Variants in LUC7L3 observed in about 807,000 individuals in gnomAD.
The protein encoded by LUC7L3 is LUC7 like 3 pre-mRNA splicing factor.
In LUC7L3, 6 loss-of-function variants were observed where a neutral mutation model predicts 66.8. The ratio of observed to expected loss-of-function variants is 0.09; its 90% CI spans 0.05 to 0.18. The LOEUF is 0.18. LUC7L3 is among the 10% of genes least tolerant of loss of function. The pLI is 1.00. For synonymous variants in LUC7L3, 160 were observed against 174.7 expected, an observed-to-expected ratio of 0.92 and a Z score of 0.66; for missense variants, 341 against 531.1, an observed-to-expected ratio of 0.64 and a Z score of 3.52.
chr17:50,751,023 GTTTT>G lies in LUC7L3; in HGVS notation c.*370_*373del, dbSNP rs11385262. 22 of 1,187,782 alleles carry G rather than the reference GTTTT, an allele frequency of 1.9e-5. No homozygotes were observed. Among genetic ancestry groups the G allele is most frequent in the Admixed American group, 1.4e-4 (4 of 28,680 alleles). 73.6% of individuals were successfully genotyped at this position (1,187,782 alleles called of 1,614,324 possible). The stretch of plus-strand genomic sequence containing the variant: ...TTTTTTTTAATAAAAAGGTTGAACT[GTTTT>G]TTTTTTTCTTTTTGGTATTAAGTCC... On this transcript the variant is annotated 3_prime_UTR_variant, in exon 10 of 10. Coordinates refer to ENST00000505658, the MANE Select transcript of LUC7L3 (RefSeq NM_016424.5).
chr17:50,726,943 G>A (rs1436938738), intron 1 of LUC7L3, among the ~76,000 whole-genome samples: 1 of 152,032 alleles, frequency 6.6e-6, no homozygotes, highest in Non-Finnish European at 1.5e-5. Context: ...ACAAAAATTA[G>A]CCAGGCGTTG....
At position 50,719,608 on chromosome 17, in the gene LUC7L3, G is replaced by C. The variant is rs1212620764; in HGVS notation, c.-125G>C. On this transcript the variant is annotated 5_prime_UTR_variant, in exon 1 of 10. Transcript: ENST00000505658. ...GTCCGCGCGGCGGCCATTTTGTCTT[G>C]TCGGCTCCTGTGTGTAGGAGGGATT... The C allele has an allele frequency of 1.4e-6, 1 of 725,628 alleles. No individual in the cohort carries two copies. Among genetic ancestry groups the C allele is most frequent in the African/African-American group, 1.8e-5 (1 of 54,226 alleles). The allele number at this position is 725,628 out of a possible 1,614,324, so 44.9% of individuals were successfully genotyped here.
In LUC7L3 at chr17:50,751,039, T is replaced by C. The variant is rs1328347502; in HGVS notation, c.*378T>C. On this transcript the variant is annotated 3_prime_UTR_variant, in exon 10 of 10. Transcript: ENST00000505658. The stretch of plus-strand genomic sequence containing the variant: ...GGTTGAACTGTTTTTTTTTTTCTTT[T>C]TGGTATTAAGTCCATCTTGTGTTGG... 4.9e-6 allele frequency: 7 copies of C among 1,441,690 alleles called. No homozygotes were observed. Among genetic ancestry groups the C allele is most frequent in the African/African-American group, 1.4e-5 (1 of 69,704 alleles). 89.3% of individuals were successfully genotyped at this position (1,441,690 alleles called of 1,614,324 possible). A position where few individuals can be genotyped will look rare whatever the true frequency, so the allele number is the denominator to read the frequency against.
At chr17:50,747,047 C>T (rs1285838377) in intron 9 of LUC7L3, among the ~76,000 whole-genome samples, 2 of 151,668 alleles carry the variant, frequency 1.3e-5, no homozygotes, top group African/African-American at 2.4e-5. Context: ...TTACACACTG[C>T]AGTGTTTCAT....
rs540578347 is a variant in LUC7L3 at position 50,725,081 on chromosome 17, G to A, written c.99+5250G>A. Reference sequence around the variant, plus strand: ...CCTTTCTCTTCATTTCTTATAGTAAGTTAGGAAAATTGTTGTATTCATTTA... The same window carrying A: ...CCTTTCTCTTCATTTCTTATAGTAAATTAGGAAAATTGTTGTATTCATTTA... On this transcript the variant is annotated intron_variant, in intron 1 of 9. Transcript: ENST00000505658. 6.6e-5 allele frequency among the ~76,000 whole-genome samples: 10 copies of A among 152,212 alleles called. No individual in the cohort carries two copies. In the South Asian group the frequency reaches 1.5e-3, roughly 22 times the overall value.
chr17:50,727,518 C>T (rs960989940), intron 1 of LUC7L3, among the ~76,000 whole-genome samples: 1 of 152,262 alleles, frequency 6.6e-6, no homozygotes, highest in African/African-American at 2.4e-5. Flanking sequence ...ATAGCAGTGC[C>T]CCAGCCCCCC....
Position 50,740,354 on chromosome 17 carries a change from T to C in LUC7L3, c.206+9T>C, listed in dbSNP as rs201078279. 4.2e-5 allele frequency: 68 copies of C among 1,606,472 alleles called. No individual in the cohort carries two copies. The East Asian group carries it at 1.4e-3, about 34-fold the overall frequency. ...GAAAATCTACGAAAACAGTAAGTTATTTTGCTTGTCATTTCCACCCCCCCA... is the reference window on the plus strand; with the variant it reads ...GAAAATCTACGAAAACAGTAAGTTACTTTGCTTGTCATTTCCACCCCCCCA... On this transcript the variant is annotated intron_variant, in intron 3 of 9. Coordinates refer to ENST00000505658, the MANE Select transcript of LUC7L3 (RefSeq NM_016424.5).
chr17:50,738,010 A>G (rs1970088960), intron 2 of LUC7L3: 2 of 359,682 alleles, frequency 5.6e-6, no homozygotes, highest in Non-Finnish European at 1.1e-5. Context: ...TTGAGATTTC[A>G]GACACAGCAG....
intron 1 of LUC7L3, among the ~76,000 whole-genome samples, chr17:50,734,169 C>CTTTTTT (rs11312737): frequency 7.2e-6 from 1 of 139,658 alleles, no homozygotes. Context: ...TTTTTTAAAA[C>CTTTTTT]TTTTTTTTTT....
At position 50,743,695 on chromosome 17, in the gene LUC7L3, A is replaced by G. The variant is rs371267772; in HGVS notation, c.427-11A>G. ...GAAATCTTAACTGTTTTTTTCCCCT[A>G]CTCTTCTAAGATTGAAGAATTAGGG... On this transcript the variant is annotated splice_polypyrimidine_tract_variant and intron_variant, in intron 5 of 9. Transcript: ENST00000505658. The G allele has an allele frequency of 1.6e-5, 24 of 1,542,568 alleles. No homozygotes were observed. The African/African-American group carries it at 2.6e-4, about 17-fold the overall frequency.
In LUC7L3 at chr17:50,744,825, TG is replaced by T; in HGVS notation, c.693+13del. The T allele has an allele frequency of 6.2e-7, 1 of 1,607,176 alleles. No individual in the cohort carries two copies. Among genetic ancestry groups the T allele is most frequent in the East Asian group, 2.2e-5 (1 of 44,818 alleles). ...TAGAAGAATTAAAAGTAAGTTTTTT[TG>T]TTTGTTTTGAGGCAGATTCTTGCTC... On this transcript the variant is annotated intron_variant, in intron 7 of 9. Coordinates refer to ENST00000505658, the MANE Select transcript of LUC7L3 (RefSeq NM_016424.5).
chr17:50,733,441 GC>G (rs1395990314), intron 1 of LUC7L3, among the ~76,000 whole-genome samples: 1 of 122,566 alleles, frequency 8.2e-6, no homozygotes, highest in Non-Finnish European at 1.6e-5. Flanking sequence ...TCCCTCTGTC[GC>G]CCAGGCTGGA....
At chr17:50,722,134 G>C (rs1427249146) in intron 1 of LUC7L3, 2 of 144,228 alleles carry the variant, frequency 1.4e-5, no homozygotes, top group Non-Finnish European at 3.0e-5. Context: ...GTCAGATTCT[G>C]TCTGTCTTGG....
At position 50,750,970 on chromosome 17, in the gene LUC7L3, T is replaced by C; in HGVS notation, c.*309T>C. The C allele has an allele frequency of 6.7e-7, 1 of 1,485,944 alleles. No homozygotes were observed. The highest frequency in any genetic ancestry group is 1.3e-5 in the South Asian group (1 of 75,740). 92.0% of individuals were successfully genotyped at this position (1,485,944 alleles called of 1,614,324 possible). On this transcript the variant is annotated 3_prime_UTR_variant, in exon 10 of 10. Coordinates refer to ENST00000505658, the MANE Select transcript of LUC7L3 (RefSeq NM_016424.5). ...GCCATTGAAAAGTTAATTATCCTTT[T>C]TTTAGGGATTTTGATGTCATTTCTT...
In LUC7L3 at chr17:50,751,160, AAGG is replaced by A; in HGVS notation, c.*501_*503del. 1.4e-6 allele frequency: 2 copies of A among 1,481,224 alleles called. No individual in the cohort carries two copies. The highest frequency in any genetic ancestry group is 1.8e-6 in the Non-Finnish European group (2 of 1,120,010). 91.8% of individuals were successfully genotyped at this position (1,481,224 alleles called of 1,614,324 possible). A position where few individuals can be genotyped will look rare whatever the true frequency, so the allele number is the denominator to read the frequency against. ...ATTAAACTGCTAGTATTTCTTTGTCAAGGATGTTTCTAGTTTTTTGCTTTATTG... is the reference window on the plus strand; with the variant it reads ...ATTAAACTGCTAGTATTTCTTTGTCAATGTTTCTAGTTTTTTGCTTTATTG... On this transcript the variant is annotated 3_prime_UTR_variant, in exon 10 of 10. Coordinates refer to ENST00000505658, the MANE Select transcript of LUC7L3 (RefSeq NM_016424.5).
At chr17:50,739,699 G>T (rs1234853550) in intron 2 of LUC7L3, among the ~76,000 whole-genome samples, 5 of 152,134 alleles carry the variant, frequency 3.3e-5, no homozygotes, top group Non-Finnish European at 7.4e-5. Context: ...CATCAGAAGT[G>T]TCTCATAATG....
chr17:50,728,224 G>A (rs1034006313), intron 1 of LUC7L3, among the ~76,000 whole-genome samples: 1 of 152,132 alleles, frequency 6.6e-6, no homozygotes, highest in Non-Finnish European at 1.5e-5. Context: ...TTACTAACTG[G>A]CTGCTGTGGA....
At chr17:50,741,337 C>T in intron 4 of LUC7L3, 91 bp downstream of exon 4, 1 of 1,279,302 alleles carries the variant, frequency 7.8e-7, no homozygotes, top group Non-Finnish European at 1.1e-6. Context: ...GTCTTCTGTT[C>T]ATTACTTTGT....
At chr17:50,738,101 G>T (rs1348410067) in intron 2 of LUC7L3, 1 of 453,098 alleles carries the variant, frequency 2.2e-6, no homozygotes, top group African/African-American at 2.0e-5. Flanking sequence ...CCTCTGCCCT[G>T]TTCCTAGAAG....
Sources: gnomAD v4.1 joint callset for allele counts (sites outside exome capture counted in the v4.1 genomes callset) on GRCh38, gnomAD v4.1.1 for gene constraint, MANE v1.5 for transcripts, NCBI Gene and HGNC (gene_info 2026-07-23, HGNC 2026-07-21) for gene names.